The following TMED3 variants were observed in gnomAD, a reference collection of about 807,000 sequenced individuals.
TMED3 encodes the protein transmembrane p24 trafficking protein 3, also known as transmembrane emp24 domain-containing protein 3.
TMED3 carries 9 observed loss-of-function variants against 15.0 expected under a neutral mutation model. The ratio of observed to expected loss-of-function variants is 0.60; its 90% confidence interval spans 0.36 to 1.04. TMED3 has a LOEUF of 1.04. Ranked by LOEUF, TMED3 falls within the 50% of genes least tolerant of loss-of-function variation. TMED3 has a pLI of 0.01. For missense variants in TMED3, 267 were observed against 278.9 expected (o/e 0.96, Z 0.30); for synonymous variants, 117 against 121.4 (o/e 0.96, Z 0.24).
At chr15:79,324,947 A>G (rs1440898742), downstream of TMED3, among the ~76,000 whole-genome samples, 2 of 152,148 alleles carry the variant, frequency 1.3e-5, no homozygotes, top group Non-Finnish European at 2.9e-5. Flanking sequence ...AGAAGGGAGT[A>G]TTTTTACTGG....
chr15:79,399,808 C>G (rs1256761237), intron 2 of TMED3, among the ~76,000 whole-genome samples: 3 of 152,198 alleles, frequency 2.0e-5, no homozygotes, highest in Admixed American at 6.5e-5. Context: ...TAATCCTGCT[C>G]TTATCTGCAG....
At chr15:79,399,290 C>A (rs1428242382) in intron 2 of TMED3, among the ~76,000 whole-genome samples, 5 of 152,122 alleles carry the variant, frequency 3.3e-5, no homozygotes, top group Non-Finnish European at 7.3e-5. Context: ...TCCCCAAGGC[C>A]CACTCAAGTG....
chr15:79,353,317 A>AAT (rs1288177979), intron 2 of TMED3, among the ~76,000 whole-genome samples: 1 of 46,076 alleles, frequency 2.2e-5, no homozygotes, highest in African/African-American at 5.5e-5. Context: ...TTATATATAT[A>AAT]ATATATATAA....
chr15:79,313,876 C>T lies in TMED3; in HGVS notation c.288C>T (p.Gly96=), dbSNP rs1451484764. The change falls in exon 2 of 3, where the codon GGC becomes GGT. Residue 96 remains glycine (G), a synonymous_variant. Transcript: ENST00000299705. ...TCACGTACCGGGCTGAAGTCAAGGG[C>T]GTTTATCAGTTTTGCTTCAGTAATG... ...DSFTYRAEVK[G]VYQFCFSNEF... 3.7e-6 allele frequency: 6 copies of T among 1,614,082 alleles called. No individual in the cohort carries two copies. In the African/African-American group the frequency reaches 4.0e-5, roughly 11 times the overall value.
chr15:79,320,173 G>A (rs973410940), intron 2 of TMED3, among the ~76,000 whole-genome samples: 11 of 152,186 alleles, frequency 7.2e-5, no homozygotes, highest in African/African-American at 2.7e-4. Flanking sequence ...TGGCATTACC[G>A]CTAGACCAAG....
chr15:79,363,923 A>G (rs1432815975), intron 2 of TMED3, among the ~76,000 whole-genome samples: 1 of 152,192 alleles, frequency 6.6e-6, no homozygotes, highest in African/African-American at 2.4e-5. Flanking sequence ...CCGATGTCTT[A>G]CAGGTAAGGG....
downstream of TMED3, chr15:79,322,998 TC>T: frequency 1.4e-6 from 1 of 718,374 alleles, no homozygotes; most frequent in Non-Finnish European, 1.7e-6. Context: ...AAATGACTCC[TC>T]CCAGGTGACT....
At chr15:79,315,718 G>T (rs1391392700) in intron 2 of TMED3, among the ~76,000 whole-genome samples, 1 of 152,210 alleles carries the variant, frequency 6.6e-6, no homozygotes, top group Non-Finnish European at 1.5e-5. Flanking sequence ...AGCCTCAAAA[G>T]AGCCGTTTCC....
chr15:79,340,496 A>G (rs1390227350), intron 2 of TMED3, among the ~76,000 whole-genome samples: 1 of 152,244 alleles, frequency 6.6e-6, no homozygotes, highest in Non-Finnish European at 1.5e-5. Context: ...TTCCTGATCC[A>G]TTGAGATGGT....
At chr15:79,411,011 G>A (rs1364530219) in intron 2 of TMED3, among the ~76,000 whole-genome samples, 1 of 152,102 alleles carries the variant, frequency 6.6e-6, no homozygotes, top group East Asian at 1.9e-4. Context: ...CAAGAAACAT[G>A]CTGGTTGCTC....
rs150816209 is a variant in TMED3, at chr15:79,322,055, G to A, written c.495G>A (p.Glu165=). ...IDSQTHYRLR[E]AQDRARAEDL... Reference sequence around the variant, plus strand: ...CCCAGACGCATTACCGGCTGCGGGAGGCCCAGGACCGGGCCCGAGCAGAAG... The same window carrying A: ...CCCAGACGCATTACCGGCTGCGGGAAGCCCAGGACCGGGCCCGAGCAGAAG... The change falls in exon 3 of 3, where the codon GAG becomes GAA. Residue 165 remains glutamate, a synonymous_variant. Transcript: ENST00000299705. 664 of 1,614,222 alleles carry A rather than the reference G, an allele frequency of 4.1e-4. 3 individuals carry two copies. In the African/African-American group the frequency reaches 7.9e-3, roughly 19 times the overall value.
intron 2 of TMED3, among the ~76,000 whole-genome samples, chr15:79,395,248 C>T (rs184825302): frequency 7.9e-5 from 12 of 152,312 alleles, no homozygotes; most frequent in East Asian, 3.9e-4. Context: ...GGCACGATCT[C>T]GGCCCACTGA....
chr15:79,313,796 G>A lies in TMED3; in HGVS notation c.208G>A (p.Glu70Lys). 1 of 1,614,200 alleles carries A rather than the reference G, an allele frequency of 6.2e-7. No individual in the cohort carries two copies. Among genetic ancestry groups the A allele is most frequent in the Non-Finnish European group, 8.5e-7 (1 of 1,180,038 alleles). ...GGHYDVDCYVEDPQGNTIYRE... is the reference protein window; with the variant it reads ...GGHYDVDCYVKDPQGNTIYRE... ...CCACTACGATGTTGACTGCTATGTA[G>A]AGGACCCCCAGGGGAACACCATCTA... Residue 70 changes from glutamate (E) to lysine (K), a missense_variant, in exon 2 of 3, where the codon GAG becomes AAG. Physicochemically the swap from Glu to Lys is moderately conservative, Grantham distance 56. Transcript: ENST00000299705.
chr15:79,338,837 C>T (rs2058837802), intron 2 of TMED3, among the ~76,000 whole-genome samples: 1 of 152,124 alleles, frequency 6.6e-6, no homozygotes, highest in African/African-American at 2.4e-5. Context: ...ACACCCGTTG[C>T]CAGGCGGACC....
In TMED3 at chr15:79,311,313, G is replaced by A; in HGVS notation, c.64G>A (p.Glu22Lys). 6.2e-7 allele frequency: 1 copy of A among 1,608,960 alleles called. No individual in the cohort carries two copies. The highest frequency in any genetic ancestry group is 8.5e-7 in the Non-Finnish European group (1 of 1,178,356). The change falls in exon 1 of 3, where the codon GAG (glutamate) becomes AAG (lysine). Residue 22 changes from glutamate to lysine, a missense_variant. Physicochemically the swap from Glu to Lys is moderately conservative, Grantham distance 56. Transcript: ENST00000299705. ...TCTGCTGCTGCTCCTGCGCCGGGCC[G>A]AGCAGCCCTGCGGGGCCGAGCTCAC... Reference protein sequence around the residue: ...LLLLLLLRRAEQPCGAELTFE... With the variant: ...LLLLLLLRRAKQPCGAELTFE...
At position 79,378,308 on chromosome 15, in the gene TMED3, C is replaced by G. The variant is rs994135864; in HGVS notation, c.418-33092C>G. 1.1e-3 allele frequency among the ~76,000 whole-genome samples: 162 copies of G among 152,316 alleles called. 4 individuals carry two copies. The highest frequency in any genetic ancestry group is 1.2e-3 in the Non-Finnish European group (80 of 68,028). ...AGGGATGGCTGTTTAAACAAATCCC[C>G]AATTCCAGTGGCCTAACACAATGGA... is the stretch of plus-strand genomic sequence containing the variant. On this transcript the variant is annotated intron_variant, in intron 2 of 2. Coordinates refer to the TMED3 transcript ENST00000424155.
intron 2 of TMED3, among the ~76,000 whole-genome samples, chr15:79,407,741 G>A (rs1893919964): frequency 6.6e-6 from 1 of 152,182 alleles, no homozygotes; most frequent in Admixed American, 6.5e-5. Flanking sequence ...GGGCTGTATG[G>A]TCTGCAAAGT....
chr15:79,338,398 G>C (rs1258636091), intron 2 of TMED3, among the ~76,000 whole-genome samples: 1 of 152,124 alleles, frequency 6.6e-6, no homozygotes, highest in Admixed American at 6.5e-5. Context: ...GATGGTAATT[G>C]CCCTGGCTTC....
At chr15:79,339,353 T>C (rs1404872328) in intron 2 of TMED3, among the ~76,000 whole-genome samples, 1 of 152,150 alleles carries the variant, frequency 6.6e-6, no homozygotes, top group African/African-American at 2.4e-5. Flanking sequence ...AACTTAGTGG[T>C]AGTGGTCCCC....
Sources: gnomAD v4.1 joint callset for allele counts (sites outside exome capture counted in the v4.1 genomes callset) on GRCh38, gnomAD v4.1.1 for gene constraint, MANE v1.5 for transcripts, NCBI Gene and HGNC (gene_info 2026-07-23, HGNC 2026-07-21) for gene names.